FOLH1: variants seen among roughly 807,000 people sequenced by gnomAD.
FOLH1 encodes the protein glutamate carboxypeptidase 2.
A neutral mutation model predicts 93.9 loss-of-function variants in FOLH1; 54 were observed. That is an observed-to-expected ratio of 0.57 (90% CI 0.46 to 0.72). The LOEUF (loss-of-function observed/expected upper bound fraction) is 0.72, where lower values mean the gene tolerates loss of function less well. Among genes scored for constraint, FOLH1 ranks in the 30% least tolerant of loss-of-function variants. FOLH1 has a pLI of 0.00. For missense variants in FOLH1, 571 were observed against 892.5 expected, an observed-to-expected ratio of 0.64 and a Z score of 4.59; for synonymous variants, 249 against 303.6, an observed-to-expected ratio of 0.82 and a Z score of 1.87.
intron 18 of FOLH1, among the ~76,000 whole-genome samples, chr11:49,147,256 C>T (rs1199319667): frequency 6.6e-6 from 1 of 152,044 alleles, no homozygotes; most frequent in Non-Finnish European, 1.5e-5. Flanking sequence ...TAGAAATAAA[C>T]TCTACACAGT....
intron 6 of FOLH1, among the ~76,000 whole-genome samples, chr11:49,184,185 A>G (rs1861113222): frequency 6.6e-6 from 1 of 152,218 alleles, no homozygotes; most frequent in Non-Finnish European, 1.5e-5. Flanking sequence ...ATTTGTTTTC[A>G]AATTCTTTAG....
At chr11:49,165,881 C>G (rs1486301734) in intron 12 of FOLH1, among the ~76,000 whole-genome samples, 2 of 152,148 alleles carry the variant, frequency 1.3e-5, no homozygotes, top group Non-Finnish European at 2.9e-5. Flanking sequence ...ATTTTTAAAA[C>G]AGAAGTGCTT....
At chr11:49,147,867 C>T (rs1855958881) in intron 18 of FOLH1, among the ~76,000 whole-genome samples, 1 of 151,678 alleles carries the variant, frequency 6.6e-6, no homozygotes, top group South Asian at 2.1e-4. Flanking sequence ...TCTGAGGCTG[C>T]AGTGAGCTAA....
At chr11:49,187,720 A>G (rs1337293587) in intron 4 of FOLH1, among the ~76,000 whole-genome samples, 1 of 152,164 alleles carries the variant, frequency 6.6e-6, no homozygotes, top group African/African-American at 2.4e-5. Flanking sequence ...TCAATGAAGG[A>G]CTTTTTGCTC....
At chr11:49,187,035 AC>A (rs202236145) in intron 4 of FOLH1, among the ~76,000 whole-genome samples, 336 of 149,976 alleles carry the variant, frequency 2.2e-3, no homozygotes, top group Middle Eastern at 6.9e-3. Flanking sequence ...CTACAGAAGC[AC>A]CCCCCCCACA....
chr11:49,158,788 T>A (rs909880043), intron 13 of FOLH1, among the ~76,000 whole-genome samples: 1 of 152,208 alleles, frequency 6.6e-6, no homozygotes, highest in Non-Finnish European at 1.5e-5. Context: ...TCCATTTGAA[T>A]ATGTCATCTC....
At chr11:49,167,999 A>G (rs1298282532) in intron 12 of FOLH1, among the ~76,000 whole-genome samples, 1 of 151,472 alleles carries the variant, frequency 6.6e-6, no homozygotes, top group African/African-American at 2.4e-5. Context: ...TTACTAATAC[A>G]CTAAAGAAAA....
chr11:49,195,221 G>C (rs1862494016), intron 3 of FOLH1, among the ~76,000 whole-genome samples: 1 of 152,064 alleles, frequency 6.6e-6, no homozygotes, highest in Non-Finnish European at 1.5e-5. Flanking sequence ...CACATTATCT[G>C]ATCTCAATAT....
At chr11:49,185,196 T>C (rs988856480) in intron 6 of FOLH1, among the ~76,000 whole-genome samples, 8 of 152,184 alleles carry the variant, frequency 5.3e-5, no homozygotes, top group Admixed American at 2.0e-4. Context: ...GTGAAATCTG[T>C]AAATCTGGGG....
intron 12 of FOLH1, among the ~76,000 whole-genome samples, chr11:49,167,903 A>C (rs545305210): frequency 8.2e-6 from 1 of 121,764 alleles, no homozygotes; most frequent in African/African-American, 3.2e-5. Context: ...AACAGAAACA[A>C]AAAAACACAC....
rs1047999609 is a variant in FOLH1, at chr11:49,167,792, C to T, written c.1372+1403G>A. On this transcript the variant is annotated intron_variant, in intron 12 of 18. Transcript: ENST00000256999. Reference sequence around the variant, plus strand: ...GCTCCACGCACTCCAACCTGGGCTGCGGAGTGAGACCCTGACTCAAAACAA... The same window carrying T: ...GCTCCACGCACTCCAACCTGGGCTGTGGAGTGAGACCCTGACTCAAAACAA... Among the ~76,000 whole-genome samples, 8 of 151,142 alleles carry T rather than the reference C, an allele frequency of 5.3e-5. No individual in the cohort carries two copies. In the South Asian group the frequency reaches 6.2e-4, roughly 12 times the overall value.
At chr11:49,171,682 A>G (rs569208674) in intron 10 of FOLH1, among the ~76,000 whole-genome samples, 36 of 152,286 alleles carry the variant, frequency 2.4e-4, no homozygotes, top group African/African-American at 8.7e-4. Flanking sequence ...TCTGACATCA[A>G]ATGAACAATT....
chr11:49,177,728 ACCTGAGGT>A (rs1860231691), intron 7 of FOLH1, among the ~76,000 whole-genome samples: 1 of 146,490 alleles, frequency 6.8e-6, no homozygotes, highest in Non-Finnish European at 1.5e-5. Context: ...CAAGCGGATC[ACCTGAGGT>A]CGGGAGTTTG....
At chr11:49,204,529 T>A (rs923491922) in intron 2 of FOLH1, among the ~76,000 whole-genome samples, 6 of 152,160 alleles carry the variant, frequency 3.9e-5, no homozygotes, top group Non-Finnish European at 8.8e-5. Context: ...AGACCTCCAC[T>A]TTTATTATAC....
intron 13 of FOLH1, among the ~76,000 whole-genome samples, chr11:49,162,009 G>C (rs868533778): frequency 6.6e-6 from 1 of 152,142 alleles, no homozygotes; most frequent in Non-Finnish European, 1.5e-5. Flanking sequence ...AGGCTGATGG[G>C]CTTCCCTTTG....
rs1355259210 is a variant in FOLH1 at position 49,206,252 on chromosome 11, T to C, written c.119-80A>G. On this transcript the variant is annotated intron_variant, in intron 1 of 18. Coordinates refer to ENST00000256999, the MANE Select transcript of FOLH1 (RefSeq NM_004476.3). The stretch of plus-strand genomic sequence containing the variant: ...TTTTTCATTATTGTTGTATGTATTA[T>C]TTGTAAAACACAAATTATCAATATT... 3.8e-6 allele frequency: 6 copies of C among 1,591,564 alleles called. No homozygotes were observed. The Admixed American group carries it at 6.8e-5, about 18-fold the overall frequency.
intron 4 of FOLH1, among the ~76,000 whole-genome samples, chr11:49,188,512 C>CAAAA (rs149444698): frequency 1.5e-5 from 2 of 130,938 alleles, no homozygotes; most frequent in Non-Finnish European, 1.6e-5. Flanking sequence ...GACTTGGTCT[C>CAAAA]AAAAAAAAAA....
chr11:49,158,599 G>C (rs1477906663), intron 13 of FOLH1, among the ~76,000 whole-genome samples: 1 of 152,062 alleles, frequency 6.6e-6, no homozygotes, highest in African/African-American at 2.4e-5. Flanking sequence ...GCTTAGGATT[G>C]CCTTGGTTAT....
intron 3 of FOLH1, among the ~76,000 whole-genome samples, chr11:49,199,912 GAAAAAAAA>G (rs958757715): frequency 7.2e-6 from 1 of 138,580 alleles, no homozygotes; most frequent in Non-Finnish European, 1.6e-5. Context: ...ACTCCATCTG[GAAAAAAAA>G]AAAAGAAAAA....
Sources: gnomAD v4.1 joint callset for allele counts (sites outside exome capture counted in the v4.1 genomes callset) on GRCh38, gnomAD v4.1.1 for gene constraint, MANE v1.5 for transcripts, NCBI Gene and HGNC (gene_info 2026-07-23, HGNC 2026-07-21) for gene names.